The following PTS variants were observed in gnomAD, a reference collection of about 807,000 sequenced individuals.
PTS encodes the protein 6-pyruvoyl tetrahydrobiopterin synthase.
Under a neutral mutation model 20.6 loss-of-function variants are expected in PTS, and 23 were observed. The ratio of observed to expected loss-of-function variants is 1.12; its 90% CI spans 0.80 to 1.58. The LOEUF (loss-of-function observed/expected upper bound fraction) is 1.58. Ranked by LOEUF, PTS falls within the 40% of genes most tolerant of loss-of-function variation. PTS has a pLI of 0.00. For missense variants in PTS, 186 were observed against 182.4 expected (o/e 1.02, Z -0.11); for synonymous variants, 65 against 62.5 (o/e 1.04, Z -0.19).
chr11:112,226,614 C>A (rs897333590), intron 1 of PTS, 88 bp downstream of exon 1: 1 of 1,245,252 alleles, frequency 8.0e-7, no homozygotes, highest in South Asian at 1.8e-5. Flanking sequence ...GTGCTGACGT[C>A]GGGCCCGGGA....
intron 1 of PTS, among the ~76,000 whole-genome samples, chr11:112,226,886 A>G (rs1177254885): frequency 6.6e-6 from 1 of 151,130 alleles, no homozygotes; most frequent in Non-Finnish European, 1.5e-5. Flanking sequence ...CAGCAGTGTT[A>G]AACTCGCCTA....
At chr11:112,233,357 T>G in intron 5 of PTS, 75 bp from the exon 6 acceptor site, 11 of 1,538,490 alleles carry the variant, frequency 7.1e-6, no homozygotes, top group Non-Finnish European at 9.8e-6. Context: ...AATTTCTATT[T>G]TCTGTAAATA....
At position 112,233,496 on chromosome 11, in the gene PTS, CT is replaced by C. The variant is rs1447821680; in HGVS notation, c.382del (p.Tyr128IlefsTer3). The C allele has an allele frequency of 6.2e-7, 1 of 1,612,762 alleles. No individual in the cohort carries two copies. ...CCAGAAAGTTCTTCCTGTAGGAGTT[CT>C]TTATAAAGTAAAAGTATACGAAACT... ...NLQKVLPVGV[L>X]YKVKVYETDN... On this transcript the variant is annotated frameshift_variant, in exon 6 of 6. Transcript: ENST00000280362. LOFTEE classifies it high-confidence loss of function.
At chr11:112,229,845 G>A (rs963997234) in intron 2 of PTS, among the ~76,000 whole-genome samples, 3 of 152,232 alleles carry the variant, frequency 2.0e-5, no homozygotes, top group Non-Finnish European at 4.4e-5. Context: ...CCAGCTTGCT[G>A]TGTAGCTGGA....
intron 1 of PTS, among the ~76,000 whole-genome samples, chr11:112,227,401 CT>C (rs1419117404): frequency 6.6e-6 from 1 of 152,098 alleles, no homozygotes; most frequent in Non-Finnish European, 1.5e-5. Flanking sequence ...GTGCAAAAGA[CT>C]TTAGCACTCT....
rs1555197885 is a variant in PTS, at chr11:112,226,487, C to T, written c.44C>T (p.Ser15Phe). 2 of 1,585,752 alleles carry T rather than the reference C, an allele frequency of 1.3e-6. No homozygotes were observed. Among genetic ancestry groups the T allele is most frequent in the Non-Finnish European group, 1.7e-6 (2 of 1,168,454 alleles). ...GGGRRCQAQV[S>F]RRISFSASHR... ...GGCCGTCGCTGCCAGGCACAAGTGT[C>T]CCGCCGCATCTCCTTCAGCGCGAGC... The change falls in exon 1 of 6, where the codon TCC becomes TTC. Residue 15 changes from serine (S) to phenylalanine (F), a missense_variant. Coordinates refer to ENST00000280362, the MANE Select transcript of PTS (RefSeq NM_000317.3).
At position 112,228,583 on chromosome 11, in the gene PTS, T is replaced by A. The variant is rs757192704; in HGVS notation, c.84-11T>A. 2 of 1,577,778 alleles carry A rather than the reference T, an allele frequency of 1.3e-6. No homozygotes were observed. The highest frequency in any genetic ancestry group is 3.6e-5 in the Admixed American group (2 of 56,088). On this transcript the variant is annotated splice_polypyrimidine_tract_variant and intron_variant, in intron 1 of 5. Coordinates refer to ENST00000280362, the MANE Select transcript of PTS (RefSeq NM_000317.3). ...TGTGTCATGCTGACTTTTTTTTTTT[T>A]TTTTGGTCAGTAAATTTCTAAGTGA...
rs1286418234 is a variant in PTS at position 112,228,572 on chromosome 11, T to C, written c.84-22T>C. The C allele has an allele frequency of 1.3e-4, 33 of 262,064 alleles. No homozygotes were observed. In the East Asian group the frequency reaches 3.2e-3, roughly 26 times the overall value. 16.2% of individuals were successfully genotyped at this position (262,064 alleles called of 1,614,324 possible). A position where few individuals can be genotyped will look rare whatever the true frequency, so the allele number is the denominator to read the frequency against. ...AATGTGATACTTGTGTCATGCTGAC[T>C]TTTTTTTTTTTTTTTGGTCAGTAAA... On this transcript the variant is annotated intron_variant, in intron 1 of 5. Coordinates refer to ENST00000280362, the MANE Select transcript of PTS (RefSeq NM_000317.3).
Position 112,233,149 on chromosome 11 carries a change from G to A in PTS, c.244-14G>A. 3 of 1,609,242 alleles carry A rather than the reference G, an allele frequency of 1.9e-6. No individual in the cohort carries two copies. On this transcript the variant is annotated splice_polypyrimidine_tract_variant and intron_variant, in intron 4 of 5. Transcript: ENST00000280362. ...AATGGAGTCAATGATATTTTCCCTT[G>A]GTTTTGTCTCTAGGAGGCGATTATG...
chr11:112,228,503 G>A, intron 1 of PTS, 91 bp from the exon 2 acceptor site: 1 of 1,121,044 alleles, frequency 8.9e-7, no homozygotes, highest in Non-Finnish European at 1.3e-6. Context: ...ACTTTTCAAA[G>A]ATCAGTACAA....
At position 112,230,413 on chromosome 11, in the gene PTS, A is replaced by AT. The variant is rs530214261; in HGVS notation, c.186+184dup. 4,269 of 844,706 alleles carry AT rather than the reference A, an allele frequency of 5.1e-3. 24 individuals are homozygous for AT. Among genetic ancestry groups the AT allele is most frequent in the South Asian group, 0.019 (1,385 of 72,636 alleles). 52.3% of individuals were successfully genotyped at this position (844,706 alleles called of 1,614,324 possible). A position where few individuals can be genotyped will look rare whatever the true frequency, so the allele number is the denominator to read the frequency against. The stretch of plus-strand genomic sequence containing the variant: ...CCTCTACCAAAGTGTTGTCTTTAAT[A>AT]TGCTGTATGTGGACAGGTAGAAGGG... On this transcript the variant is annotated intron_variant, in intron 3 of 5. Coordinates refer to ENST00000280362, the MANE Select transcript of PTS (RefSeq NM_000317.3).
chr11:112,233,261 T>C lies in PTS; in HGVS notation c.314+28T>C, dbSNP rs1360308637. 5.6e-6 allele frequency: 9 copies of C among 1,598,974 alleles called. No homozygotes were observed. The South Asian group carries it at 9.9e-5, about 18-fold the overall frequency. ...GGGTGGCACTGTATCTTGCCTTATGTGGATTGTAAAACAAGAATTGATTTG... is the reference window on the plus strand; with the variant it reads ...GGGTGGCACTGTATCTTGCCTTATGCGGATTGTAAAACAAGAATTGATTTG... On this transcript the variant is annotated intron_variant, in intron 5 of 5. Coordinates refer to ENST00000280362, the MANE Select transcript of PTS (RefSeq NM_000317.3).
Position 112,228,672 on chromosome 11 carries a change from A to G in PTS, c.162A>G (p.Lys54=). The G allele has an allele frequency of 6.2e-7, 1 of 1,610,812 alleles. No individual in the cohort carries two copies. The highest frequency in any genetic ancestry group is 8.5e-7 in the Non-Finnish European group (1 of 1,177,594). ...CAAATGGCCATGGGCACAATTATAA[A>G]GGTGAGAGAAAAACTGATGACATTT... ...NNPNGHGHNY[K]VVVTVHGEID... The change falls in exon 2 of 6, where the codon AAA becomes AAG. Residue 54 remains lysine (K), a splice_region_variant and synonymous_variant. Transcript: ENST00000280362.
At position 112,230,548 on chromosome 11, in the gene PTS, G is replaced by T. The variant is rs542012521; in HGVS notation, c.187-78G>T. 1.0e-4 allele frequency: 128 copies of T among 1,266,220 alleles called. No homozygotes were observed. The African/African-American group carries it at 1.7e-3, about 17-fold the overall frequency. 78.4% of individuals were successfully genotyped at this position (1,266,220 alleles called of 1,614,324 possible). ...AATGTGGGCACAGTCTCTGCACATT[G>T]TACTGCCTTTAATAATTTGCCAGCC... is the stretch of plus-strand genomic sequence containing the variant. On this transcript the variant is annotated intron_variant, in intron 3 of 5. Coordinates refer to ENST00000280362, the MANE Select transcript of PTS (RefSeq NM_000317.3).
chr11:112,227,621 G>A (rs2135407770), intron 1 of PTS, among the ~76,000 whole-genome samples: 2 of 152,244 alleles, frequency 1.3e-5, no homozygotes, highest in Middle Eastern at 6.8e-3. Context: ...GAGCAAGCAG[G>A]CAACTCACAG....
rs1448688449 is a variant in PTS at position 112,233,526 on chromosome 11, A to G, written c.409A>G (p.Asn137Asp). Residue 137 changes from asparagine to aspartate, a missense_variant, in exon 6 of 6, where the codon AAT becomes GAT. Transcript: ENST00000280362. ...TAAAGTAAAAGTATACGAAACTGAC[A>G]ATAATATTGTGGTTTATAAAGGAGA... ...LYKVKVYETD[N>D]NIVVYKGE 4.3e-6 allele frequency: 7 copies of G among 1,613,710 alleles called. No homozygotes were observed. The highest frequency in any genetic ancestry group is 5.9e-6 in the Non-Finnish European group (7 of 1,179,802).
At position 112,233,703 on chromosome 11, in the gene PTS, C is replaced by G. The variant is rs910098440; in HGVS notation, c.*148C>G. ...CCTATTTATTGAAATCATTGTAAGACCTGTTATAAATTTAAGTCTATTTAA... is the reference window on the plus strand; with the variant it reads ...CCTATTTATTGAAATCATTGTAAGAGCTGTTATAAATTTAAGTCTATTTAA... On this transcript the variant is annotated 3_prime_UTR_variant, in exon 6 of 6. Transcript: ENST00000280362. The G allele has an allele frequency of 8.5e-7, 1 of 1,178,776 alleles. No individual in the cohort carries two copies. Among genetic ancestry groups the G allele is most frequent in the Non-Finnish European group, 1.1e-6 (1 of 880,076 alleles). The allele number at this position is 1,178,776 out of a possible 1,614,324, so 73.0% of individuals were successfully genotyped here. A position where few individuals can be genotyped will look rare whatever the true frequency, so the allele number is the denominator to read the frequency against.
At chr11:112,228,829 T>G in intron 2 of PTS, 156 bp downstream of exon 2, 1 of 716,300 alleles carries the variant, frequency 1.4e-6, no homozygotes, top group Non-Finnish European at 2.4e-6. Flanking sequence ...AAAGGATCTG[T>G]TGTCTTGGTT....
intron 1 of PTS, among the ~76,000 whole-genome samples, chr11:112,227,719 A>T (rs1180880734): frequency 7.2e-5 from 11 of 152,002 alleles, no homozygotes; most frequent in Admixed American, 7.2e-4. Context: ...GCGAGAACTC[A>T]CTCATTGCTT....
Sources: allele counts gnomAD v4.1 joint callset (sites outside exome capture counted in the v4.1 genomes callset), GRCh38; gene constraint gnomAD v4.1.1; transcripts MANE v1.5; gene names NCBI Gene and HGNC (gene_info 2026-07-23, HGNC 2026-07-21).